PTPRT: variants seen among roughly 807,000 people sequenced by gnomAD.
PTPRT encodes protein tyrosine phosphatase receptor type T.
A neutral mutation model predicts 176.8 loss-of-function variants in PTPRT; 56 were observed. The observed-to-expected ratio is 0.32, with a 90% CI of 0.26 to 0.40. The LOEUF is 0.40. PTPRT is among the 10% of genes least tolerant of loss of function. The pLI is 1.00. For synonymous variants in PTPRT, 783 were observed against 739.0 expected (o/e 1.06, Z -0.96); for missense variants, 1,540 against 1,908.2 (o/e 0.81, Z 3.60).
intron 1 of PTPRT, among the ~76,000 whole-genome samples, chr20:43,009,167 C>T (rs912519138): frequency 6.6e-6 from 1 of 152,144 alleles, no homozygotes; most frequent in South Asian, 2.1e-4. Flanking sequence ...GCAGCTGCCA[C>T]GTTTCTTCCC....
At chr20:42,814,509 G>A (rs2077749183) in intron 2 of PTPRT, among the ~76,000 whole-genome samples, 1 of 152,158 alleles carries the variant, frequency 6.6e-6, no homozygotes, top group Admixed American at 6.5e-5. Context: ...ATGTAGTTAT[G>A]AATGAATGAG....
intron 3 of PTPRT, among the ~76,000 whole-genome samples, chr20:42,784,180 G>T (rs1280066261): frequency 6.6e-6 from 1 of 152,188 alleles, no homozygotes; most frequent in African/African-American, 2.4e-5. Context: ...CCCCACAAGA[G>T]GCTCTGAGAT....
the PTPRT span, among the ~76,000 whole-genome samples, chr20:42,062,777 C>T: frequency 6.6e-6 from 1 of 152,186 alleles, no homozygotes. Context: ...TTGGTTGATT[C>T]TCCAGTACAC....
chr20:42,153,005 T>A (rs536082710), intron 17 of PTPRT, among the ~76,000 whole-genome samples: 1 of 152,356 alleles, frequency 6.6e-6, no homozygotes, highest in East Asian at 1.9e-4. Flanking sequence ...AGTTCCCTCT[T>A]GTACACAACC....
At chr20:42,439,068 C>T (rs2059288713) in intron 9 of PTPRT, among the ~76,000 whole-genome samples, 1 of 152,318 alleles carries the variant, frequency 6.6e-6, no homozygotes, top group East Asian at 1.9e-4. Context: ...CTGTCAGCTT[C>T]CCTGTCAGCC....
intron 6 of PTPRT, among the ~76,000 whole-genome samples, chr20:42,683,010 T>C (rs968997726): frequency 2.0e-5 from 3 of 152,148 alleles, no homozygotes; most frequent in Non-Finnish European, 2.9e-5. Context: ...AGACGTGAAG[T>C]GAGCCTTGAT....
chr20:42,350,228 T>TTGTTTTTTTG, intron 11 of PTPRT, among the ~76,000 whole-genome samples: 1 of 118,066 alleles, frequency 8.5e-6, no homozygotes, highest in Non-Finnish European at 1.7e-5. Flanking sequence ...TTTTTTTTTT[T>TTGTTTTTTTG]TTTTTTTTTT....
intron 1 of PTPRT, among the ~76,000 whole-genome samples, chr20:43,052,500 A>G (rs922208309): frequency 3.3e-5 from 5 of 152,246 alleles, no homozygotes; most frequent in African/African-American, 1.2e-4. Context: ...TGCAACAAAA[A>G]GTGTGCAAAT....
intron 1 of PTPRT, among the ~76,000 whole-genome samples, chr20:43,057,954 G>T (rs920756472): frequency 1.3e-5 from 2 of 152,186 alleles, no homozygotes; most frequent in African/African-American, 4.8e-5. Context: ...TTAGTACATA[G>T]AAAGCACCCA....
intron 7 of PTPRT, among the ~76,000 whole-genome samples, chr20:42,539,354 A>G (rs978853340): frequency 2.8e-5 from 4 of 144,310 alleles, no homozygotes; most frequent in African/African-American, 1.1e-4. Flanking sequence ...GTGGAGGATC[A>G]CCATCACTTT....
intron 1 of PTPRT, among the ~76,000 whole-genome samples, chr20:43,164,254 T>G (rs553795769): frequency 1.3e-5 from 2 of 152,228 alleles, no homozygotes; most frequent in African/African-American, 4.8e-5. Flanking sequence ...GATTCGGCAC[T>G]GGCTTCCACT....
chr20:42,953,350 T>A (rs1158068806), intron 1 of PTPRT, among the ~76,000 whole-genome samples: 1 of 152,194 alleles, frequency 6.6e-6, no homozygotes, highest in Non-Finnish European at 1.5e-5. Context: ...TTAAGAAATG[T>A]ACCAGAGGTC....
chr20:42,084,525 A>C (rs751634043), intron 29 of PTPRT, among the ~76,000 whole-genome samples, 157 bp downstream of exon 29: 2 of 152,266 alleles, frequency 1.3e-5, no homozygotes, highest in Non-Finnish European at 2.9e-5. Flanking sequence ...TTAAAGGATC[A>C]TAATTCCTTT....
At chr20:42,143,503 G>A (rs1988721832) in intron 17 of PTPRT, among the ~76,000 whole-genome samples, 1 of 150,692 alleles carries the variant, frequency 6.6e-6, no homozygotes, top group South Asian at 2.1e-4. Context: ...CTGGCAATGA[G>A]CTGAGAGCAC....
At chr20:42,845,082 G>A (rs1180489805) in intron 2 of PTPRT, among the ~76,000 whole-genome samples, 1 of 152,136 alleles carries the variant, frequency 6.6e-6, no homozygotes, top group Admixed American at 6.5e-5. Flanking sequence ...GGAGAAGGGG[G>A]CTGCCTAAGA....
At chr20:42,710,461 G>A (rs1475263194) in intron 6 of PTPRT, among the ~76,000 whole-genome samples, 1 of 152,228 alleles carries the variant, frequency 6.6e-6, no homozygotes, top group East Asian at 1.9e-4. Context: ...CCCAGATACA[G>A]CTCAGGTTGC....
intron 1 of PTPRT, among the ~76,000 whole-genome samples, chr20:43,013,568 A>T (rs1985233703): frequency 6.6e-6 from 1 of 152,140 alleles, no homozygotes; most frequent in African/African-American, 2.4e-5. Flanking sequence ...GGTCTACCCT[A>T]CCCAGAGACC....
chr20:43,060,114 T>A (rs1253251846), intron 1 of PTPRT, among the ~76,000 whole-genome samples: 1 of 152,174 alleles, frequency 6.6e-6, no homozygotes, highest in Non-Finnish European at 1.5e-5. Context: ...CCAAAGCCTG[T>A]TCCACATTTT....
At chr20:42,289,972 G>A (rs1010134177) in intron 12 of PTPRT, among the ~76,000 whole-genome samples, 2 of 151,892 alleles carry the variant, frequency 1.3e-5, no homozygotes, top group African/African-American at 4.8e-5. Flanking sequence ...TCAGAATTAG[G>A]TACAGAATAA....
Sources: allele counts gnomAD v4.1 joint callset (sites outside exome capture counted in the v4.1 genomes callset), GRCh38; gene constraint gnomAD v4.1.1; transcripts MANE v1.5; gene names NCBI Gene and HGNC (gene_info 2026-07-23, HGNC 2026-07-21).